DLG2: variants seen among roughly 807,000 people sequenced by gnomAD.
DLG2 encodes discs large MAGUK scaffold protein 2, also known as disks large homolog 2.
DLG2 carries 45 observed loss-of-function variants against 132.5 expected under a neutral mutation model. The ratio of observed to expected loss-of-function variants is 0.34; its 90% CI spans 0.27 to 0.44. The LOEUF is 0.44. Among genes scored for constraint, DLG2 ranks in the 20% least tolerant of loss-of-function variants. The probability of loss-of-function intolerance (pLI) is 1.00; values close to 1 mark genes in which losing one functional copy is unlikely to be tolerated. For synonymous variants in DLG2, 424 were observed against 419.6 expected, an observed-to-expected ratio of 1.01 and a Z score of -0.13; for missense variants, 1,045 against 1,196.9, an observed-to-expected ratio of 0.87 and a Z score of 1.87.
At chr11:84,530,032 G>A (rs1032077592) in intron 7 of DLG2, among the ~76,000 whole-genome samples, 7 of 152,028 alleles carry the variant, frequency 4.6e-5, no homozygotes, top group Admixed American at 2.6e-4. Context: ...GAAAAAAACC[G>A]GCAATGGGGA....
rs2088824919 is a variant in DLG2 at position 83,455,574 on chromosome 11, T to G, written c.*4244A>C. On this transcript the variant is annotated 3_prime_UTR_variant, in exon 28 of 28. Transcript: ENST00000376104. Reference sequence around the variant, plus strand: ...TCTAAATTGTCCGCCTGTCTTAGCTTTGTCCTCAGCTGTTACAAGAAACTG... The same window carrying G: ...TCTAAATTGTCCGCCTGTCTTAGCTGTGTCCTCAGCTGTTACAAGAAACTG... 6.6e-6 allele frequency: 1 copy of G among 152,670 alleles called. No individual in the cohort carries two copies. Among genetic ancestry groups the G allele is most frequent in the South Asian group, 2.1e-4 (1 of 4,834 alleles). 9.5% of individuals were successfully genotyped at this position (152,670 alleles called of 1,614,324 possible). A position where few individuals can be genotyped will look rare whatever the true frequency, so the allele number is the denominator to read the frequency against.
At chr11:84,046,444 T>A (rs2096245100) in intron 11 of DLG2, among the ~76,000 whole-genome samples, 1 of 151,578 alleles carries the variant, frequency 6.6e-6, no homozygotes, top group South Asian at 2.1e-4. Context: ...TCATTTTGAC[T>A]CTACTACTAC....
At chr11:84,073,330 C>T (rs886389982) in intron 10 of DLG2, among the ~76,000 whole-genome samples, 22 of 150,712 alleles carry the variant, frequency 1.5e-4, no homozygotes, top group African/African-American at 5.4e-4. Flanking sequence ...CATTCATAGG[C>T]ATATTAGCAT....
At chr11:85,401,059 C>A (rs1218993613) in intron 3 of DLG2, among the ~76,000 whole-genome samples, 2 of 151,652 alleles carry the variant, frequency 1.3e-5, no homozygotes, top group East Asian at 3.9e-4. Flanking sequence ...AGGCCAATAA[C>A]CCTGATGAAC....
At chr11:84,770,802 C>A (rs144606907) in intron 6 of DLG2, among the ~76,000 whole-genome samples, 1 of 150,822 alleles carries the variant, frequency 6.6e-6, no homozygotes, top group Non-Finnish European at 1.5e-5. Context: ...CCAGCTACCA[C>A]GCCTGGCTAA....
At chr11:84,907,743 C>T (rs1024664775) in intron 6 of DLG2, among the ~76,000 whole-genome samples, 5 of 152,108 alleles carry the variant, frequency 3.3e-5, no homozygotes, top group Non-Finnish European at 5.9e-5. Flanking sequence ...AACCTGTCTG[C>T]ACCCAATGAC....
At chr11:84,314,803 G>C (rs1355848972) in intron 7 of DLG2, among the ~76,000 whole-genome samples, 1 of 151,858 alleles carries the variant, frequency 6.6e-6, no homozygotes, top group Non-Finnish European at 1.5e-5. Context: ...ATTAAAGTCT[G>C]TGTGTATGTA....
intron 11 of DLG2, among the ~76,000 whole-genome samples, chr11:84,028,322 G>A (rs1196480821): frequency 6.6e-6 from 1 of 151,954 alleles, no homozygotes; most frequent in African/African-American, 2.4e-5. Flanking sequence ...TCCTCTCAAA[G>A]TTATGAGAAC....
intron 7 of DLG2, among the ~76,000 whole-genome samples, chr11:84,257,771 C>G (rs908251): frequency 6.7e-6 from 1 of 148,740 alleles, no homozygotes; most frequent in South Asian, 2.2e-4. Flanking sequence ...ACCACAACCT[C>G]TGCCTCCCAA....
At chr11:84,497,416 G>A (rs1738193329) in intron 7 of DLG2, among the ~76,000 whole-genome samples, 1 of 152,030 alleles carries the variant, frequency 6.6e-6, no homozygotes, top group African/African-American at 2.4e-5. Context: ...CCAGAGTTGG[G>A]ACTCTACTTG....
At chr11:84,570,141 G>T (rs1047028252) in intron 6 of DLG2, among the ~76,000 whole-genome samples, 1 of 152,078 alleles carries the variant, frequency 6.6e-6, no homozygotes. Context: ...TGGCATATAG[G>T]CCTTCCAGAA....
intron 18 of DLG2, among the ~76,000 whole-genome samples, chr11:83,750,812 C>A (rs543534527): frequency 3.3e-5 from 5 of 152,262 alleles, no homozygotes; most frequent in African/African-American, 1.2e-4. Flanking sequence ...ACCTTTAGGA[C>A]TTATTGTCCC....
At chr11:84,313,681 GAAAGAAAA>G (rs1359541216) in intron 7 of DLG2, among the ~76,000 whole-genome samples, 4 of 148,988 alleles carry the variant, frequency 2.7e-5, no homozygotes, top group Non-Finnish European at 6.0e-5. Context: ...AAGAAAGAAA[GAAAGAAAA>G]AGAAAGAGGA....
At chr11:83,798,088 C>T (rs969778153) in intron 17 of DLG2, among the ~76,000 whole-genome samples, 1 of 152,234 alleles carries the variant, frequency 6.6e-6, no homozygotes, top group African/African-American at 2.4e-5. Flanking sequence ...GCTTAGAAGG[C>T]AGAGCAAATG....
chr11:85,084,327 A>G (rs2067627764), intron 6 of DLG2, among the ~76,000 whole-genome samples: 1 of 152,182 alleles, frequency 6.6e-6, no homozygotes, highest in Admixed American at 6.5e-5. Flanking sequence ...GAAAGTCAGA[A>G]TATGTGGTAC....
intron 7 of DLG2, among the ~76,000 whole-genome samples, chr11:84,288,168 T>C: frequency 6.6e-6 from 1 of 152,224 alleles, no homozygotes; most frequent in Non-Finnish European, 1.5e-5. Context: ...ATTTAGTTAA[T>C]ATCACCAAGC....
intron 6 of DLG2, chr11:84,720,778 A>G (rs967791651): frequency 4.6e-5 from 7 of 151,826 alleles, no homozygotes; most frequent in African/African-American, 1.7e-4. Flanking sequence ...GTGCCCGCCT[A>G]CTCTCCCCAG....
intron 6 of DLG2, among the ~76,000 whole-genome samples, chr11:85,070,517 A>C (rs2065683208): frequency 6.6e-6 from 1 of 151,732 alleles, no homozygotes; most frequent in South Asian, 2.1e-4. Context: ...AGACTTAACC[A>C]ATGCACAATA....
chr11:83,662,720 A>G (rs2074609468), intron 18 of DLG2, among the ~76,000 whole-genome samples: 1 of 152,120 alleles, frequency 6.6e-6, no homozygotes, highest in African/African-American at 2.4e-5. Flanking sequence ...CATGCTTCCC[A>G]CTGTATTACA....
Sources: allele counts gnomAD v4.1 joint callset (sites outside exome capture counted in the v4.1 genomes callset), GRCh38; gene constraint gnomAD v4.1.1; transcripts MANE v1.5; gene names NCBI Gene and HGNC (gene_info 2026-07-23, HGNC 2026-07-21).